WAPL: variants seen among roughly 807,000 people sequenced by gnomAD.
WAPL encodes the protein wings apart-like protein homolog.
In WAPL, 5 loss-of-function variants were observed where a neutral mutation model predicts 121.0. That is an observed-to-expected ratio of 0.04 (90% CI 0.02 to 0.09). WAPL has a LOEUF of 0.09. WAPL is among the 10% of genes least tolerant of loss of function. The probability of loss-of-function intolerance (pLI) is 1.00; values close to 1 mark genes in which losing one functional copy is unlikely to be tolerated. For missense variants in WAPL, 999 were observed against 1,410.8 expected, an observed-to-expected ratio of 0.71 and a Z score of 4.68; for synonymous variants, 480 against 481.5, an observed-to-expected ratio of 1.00 and a Z score of 0.04.
At chr10:86,465,274 A>G in intron 9 of WAPL, among the ~76,000 whole-genome samples, 1 of 151,848 alleles carries the variant, frequency 6.6e-6, no homozygotes, top group East Asian at 1.9e-4. Context: ...GCTCACTGAA[A>G]CCTCCGCCTC....
intron 12 of WAPL, among the ~76,000 whole-genome samples, chr10:86,455,558 C>G (rs1364487229): frequency 2.0e-5 from 3 of 151,778 alleles, no homozygotes; most frequent in Admixed American, 6.6e-5. Flanking sequence ...GCCGCAGGGT[C>G]CTCTGCCTAG....
chr10:86,509,655 CT>C (rs529698413), intron 2 of WAPL, among the ~76,000 whole-genome samples: 128 of 152,288 alleles, frequency 8.4e-4, no homozygotes, highest in African/African-American at 2.8e-3. Context: ...TATGAACAAA[CT>C]CATCCTCCTC....
At chr10:86,515,325 C>T (rs547295105) in intron 2 of WAPL, among the ~76,000 whole-genome samples, 2 of 151,462 alleles carry the variant, frequency 1.3e-5, no homozygotes, top group South Asian at 2.1e-4. Flanking sequence ...GAATAGCATT[C>T]GCAGAGCCTT....
intron 16 of WAPL, among the ~76,000 whole-genome samples, chr10:86,444,441 A>C (rs913405393): frequency 6.6e-5 from 10 of 152,290 alleles, no homozygotes; most frequent in African/African-American, 2.4e-4. Flanking sequence ...AATGTCCATC[A>C]GTAAACAAAT....
At chr10:86,508,916 C>T (rs1842404088) in intron 2 of WAPL, among the ~76,000 whole-genome samples, 1 of 151,998 alleles carries the variant, frequency 6.6e-6, no homozygotes, top group Admixed American at 6.6e-5. Context: ...CCACCACGCC[C>T]GGCTAATTTT....
intron 4 of WAPL, among the ~76,000 whole-genome samples, chr10:86,484,879 C>T (rs997887605): frequency 6.6e-6 from 1 of 152,200 alleles, no homozygotes; most frequent in Non-Finnish European, 1.5e-5. Context: ...GTTCTGTGTG[C>T]ACAATGAAAT....
chr10:86,500,833 A>T (rs2132221842), intron 2 of WAPL, 90 bp from the exon 3 acceptor site: 14 of 1,084,916 alleles, frequency 1.3e-5, no homozygotes, highest in Non-Finnish European at 1.8e-5. Context: ...ATAGTATATG[A>T]TCAATCTTGG....
Position 86,500,353 on chromosome 10 carries a change from C to T in WAPL, c.890G>A (p.Cys297Tyr), listed in dbSNP as rs764895751. The T allele has an allele frequency of 4.3e-6, 7 of 1,614,068 alleles. No individual in the cohort carries two copies. The highest frequency in any genetic ancestry group is 2.2e-5 in the East Asian group (1 of 44,892). Residue 297 changes from cysteine (C) to tyrosine (Y), a missense_variant, in exon 3 of 19, where the codon TGT becomes TAT. Coordinates refer to ENST00000298767, the MANE Select transcript of WAPL (RefSeq NM_015045.5). ...GGAGGATTTCGTTTTATTGGCCCTA[C>T]AGTACGTCCTACAGTTGGTTGGCCT... ...VLRPTNCRTY[C>Y]RANKTKSSQG...
chr10:86,440,680 T>C (rs535425037), intron 17 of WAPL, among the ~76,000 whole-genome samples: 91 of 152,028 alleles, frequency 6.0e-4, no homozygotes, highest in Middle Eastern at 3.4e-3. Flanking sequence ...AATCTTGTCA[T>C]TGGAAATAAG....
intron 4 of WAPL, among the ~76,000 whole-genome samples, chr10:86,490,271 C>T (rs1482896116): frequency 2.0e-5 from 3 of 151,764 alleles, no homozygotes; most frequent in Non-Finnish European, 4.4e-5. Flanking sequence ...TTCAAATAAG[C>T]TCAGTCCCAT....
intron 15 of WAPL, 83 bp downstream of exon 15, chr10:86,451,884 A>G: frequency 6.7e-7 from 1 of 1,483,362 alleles, no homozygotes; most frequent in Non-Finnish European, 9.2e-7. Context: ...CAAGAAAAGG[A>G]GGTAAAAGGT....
Position 86,446,359 on chromosome 10 carries a change from T to C in WAPL, c.3205A>G (p.Ser1069Gly), listed in dbSNP as rs1849618764. 1 of 1,614,188 alleles carries C rather than the reference T, an allele frequency of 6.2e-7. No homozygotes were observed. The highest frequency in any genetic ancestry group is 8.5e-7 in the Non-Finnish European group (1 of 1,180,032). The part of the protein sequence containing the change: ...KDAPTTQHDK[S>G]GEWQETSGEI... ...CCACTTGTTTCTTGCCACTCTCCAC[T>C]CTTATCATGCTGAGTGGTGGGAGCA... The change falls in exon 16 of 19, where the codon AGT (serine) becomes GGT (glycine). Residue 1069 changes from serine (S) to glycine (G), a missense_variant. Physicochemically the swap from Ser to Gly is moderately conservative, Grantham distance 56 (BLOSUM62 0). Transcript: ENST00000298767.
rs1404274054 is a variant in WAPL at position 86,436,767 on chromosome 10, C to T, written c.*776G>A. 2 of 152,592 alleles carry T rather than the reference C, an allele frequency of 1.3e-5. No individual in the cohort carries two copies. The highest frequency in any genetic ancestry group is 1.9e-4 in the East Asian group (1 of 5,196). 9.5% of individuals were successfully genotyped at this position (152,592 alleles called of 1,614,324 possible). A position where few individuals can be genotyped will look rare whatever the true frequency, so the allele number is the denominator to read the frequency against. ...ACTACCCTGGGTTTGACTATTTTGCCTCCTCCTTTTAACAGGGCACATCAT... is the reference window on the plus strand; with the variant it reads ...ACTACCCTGGGTTTGACTATTTTGCTTCCTCCTTTTAACAGGGCACATCAT... On this transcript the variant is annotated 3_prime_UTR_variant, in exon 19 of 19. Coordinates refer to ENST00000298767, the MANE Select transcript of WAPL (RefSeq NM_015045.5).
chr10:86,466,008 T>A (rs1841388300), intron 9 of WAPL, among the ~76,000 whole-genome samples: 1 of 152,166 alleles, frequency 6.6e-6, no homozygotes, highest in Non-Finnish European at 1.5e-5. Flanking sequence ...GAATCACCAA[T>A]ATGTGAATGG....
At chr10:86,460,809 A>C (rs913699360) in intron 10 of WAPL, among the ~76,000 whole-genome samples, 1 of 151,588 alleles carries the variant, frequency 6.6e-6, no homozygotes, top group Non-Finnish European at 1.5e-5. Context: ...CACCTCCCAC[A>C]TTCAAGCAAT....
At chr10:86,450,070 G>C (rs779287293) in intron 15 of WAPL, among the ~76,000 whole-genome samples, 2 of 152,126 alleles carry the variant, frequency 1.3e-5, no homozygotes, top group African/African-American at 4.8e-5. Flanking sequence ...CAATTTCTTG[G>C]TTTTGCTATA....
intron 2 of WAPL, among the ~76,000 whole-genome samples, chr10:86,504,568 T>C (rs1452994021): frequency 4.0e-5 from 6 of 149,568 alleles, no homozygotes; most frequent in Admixed American, 6.7e-5. Context: ...TCCAAGCTAC[T>C]TGGGAGGCTG....
chr10:86,507,280 A>G (rs1048316713), intron 2 of WAPL, among the ~76,000 whole-genome samples: 1 of 145,518 alleles, frequency 6.9e-6, no homozygotes, highest in African/African-American at 2.6e-5. Context: ...AGGCAGGAGA[A>G]TCGCTTGAAC....
At chr10:86,453,921 T>C (rs1841068075) in intron 12 of WAPL, 90 bp from the exon 13 acceptor site, 2 of 1,166,944 alleles carry the variant, frequency 1.7e-6, no homozygotes. Context: ...GGCTATCGGA[T>C]GAAATTTCAC....
Sources: allele counts gnomAD v4.1 joint callset (sites outside exome capture counted in the v4.1 genomes callset), GRCh38; gene constraint gnomAD v4.1.1; transcripts MANE v1.5; gene names NCBI Gene and HGNC (gene_info 2026-07-23, HGNC 2026-07-21).